TAF3: variants seen among roughly 807,000 people sequenced by gnomAD.
TAF3 encodes TATA-box binding protein associated factor 3.
A neutral mutation model predicts 80.6 loss-of-function variants in TAF3; 7 were observed. That is an observed-to-expected ratio of 0.09 (90% CI 0.05 to 0.16). The LOEUF (loss-of-function observed/expected upper bound fraction) is 0.16. Ranked by LOEUF, TAF3 falls within the 10% of genes least tolerant of loss-of-function variation. The probability of loss-of-function intolerance (pLI) is 1.00; values close to 1 mark genes in which losing one functional copy is unlikely to be tolerated. For synonymous variants in TAF3, 444 were observed against 446.1 expected, an observed-to-expected ratio of 1.00 and a Z score of 0.06; for missense variants, 921 against 1,140.2, an observed-to-expected ratio of 0.81 and a Z score of 2.77.
chr10:7,871,305 A>G (rs1281313751), intron 2 of TAF3, among the ~76,000 whole-genome samples: 11 of 152,094 alleles, frequency 7.2e-5, no homozygotes, highest in Non-Finnish European at 1.5e-4. Context: ...TGCTAAGCAT[A>G]TATTAATTGT....
intron 2 of TAF3, among the ~76,000 whole-genome samples, chr10:7,837,341 CAAA>C (rs79016748): frequency 2.2e-5 from 2 of 90,092 alleles, no homozygotes; most frequent in Non-Finnish European, 4.5e-5. Context: ...CCAGTCTGGG[CAAA>C]AAAAAAAAAA....
At chr10:7,912,336 G>A (rs979687673) in intron 2 of TAF3, among the ~76,000 whole-genome samples, 1 of 152,080 alleles carries the variant, frequency 6.6e-6, no homozygotes, top group Non-Finnish European at 1.5e-5. Flanking sequence ...CTGGGCTCAA[G>A]CGATCATTCT....
chr10:7,996,802 C>T (rs942709784), intron 4 of TAF3, among the ~76,000 whole-genome samples: 1 of 151,448 alleles, frequency 6.6e-6, no homozygotes, highest in African/African-American at 2.4e-5. Context: ...TTCTCAGTCT[C>T]CTAAGTAGCT....
intron 3 of TAF3, among the ~76,000 whole-genome samples, chr10:7,968,395 A>G (rs949010809): frequency 2.6e-5 from 4 of 152,234 alleles, no homozygotes; most frequent in African/African-American, 9.6e-5. Context: ...CCAAGAACCA[A>G]TAAAGATGTG....
chr10:7,954,808 A>G (rs1443079685), intron 2 of TAF3, among the ~76,000 whole-genome samples: 3 of 137,618 alleles, frequency 2.2e-5, no homozygotes, highest in Admixed American at 7.4e-5. Flanking sequence ...CGAATGAGTG[A>G]ATTAGTTCTA....
intron 2 of TAF3, among the ~76,000 whole-genome samples, chr10:7,843,960 C>G (rs560647990): frequency 6.6e-6 from 1 of 152,108 alleles, no homozygotes; most frequent in Non-Finnish European, 1.5e-5. Flanking sequence ...GGCACTCTTT[C>G]AATTTCTGTT....
chr10:7,950,702 T>G (rs1838073720), intron 2 of TAF3, among the ~76,000 whole-genome samples: 2 of 152,204 alleles, frequency 1.3e-5, no homozygotes, highest in Admixed American at 6.5e-5. Flanking sequence ...CAGCAAAAAT[T>G]CAGTCGCATG....
intron 2 of TAF3, among the ~76,000 whole-genome samples, chr10:7,863,696 T>TATATATACACACAC (rs1564350910): frequency 1.2e-5 from 1 of 83,536 alleles, no homozygotes; most frequent in Admixed American, 1.5e-4. Flanking sequence ...CACACACATA[T>TATATATACACACAC]ATATATATAC....
intron 2 of TAF3, among the ~76,000 whole-genome samples, chr10:7,864,239 C>T (rs1837186935): frequency 6.6e-6 from 1 of 152,276 alleles, no homozygotes; most frequent in Middle Eastern, 3.4e-3. Flanking sequence ...ACCTATTCTT[C>T]CCTCCCTTAC....
intron 2 of TAF3, among the ~76,000 whole-genome samples, chr10:7,921,097 G>GT (rs909585831): frequency 8.4e-4 from 124 of 146,930 alleles, no homozygotes; most frequent in East Asian, 2.4e-3. Flanking sequence ...ATTTTTTAAG[G>GT]TTTTTTTTTT....
intron 2 of TAF3, among the ~76,000 whole-genome samples, chr10:7,946,902 A>G (rs1266597817): frequency 6.6e-6 from 1 of 152,128 alleles, no homozygotes; most frequent in Non-Finnish European, 1.5e-5. Context: ...CCTACTCGTT[A>G]AAACTTTTCT....
Position 7,830,473 on chromosome 10 carries a change from CTTTTTTTT to C in TAF3, c.409+5934_409+5941del, listed in dbSNP as rs1176707860. ...TGCACACCTTTTTCACTTTACATGTCTTTTTTTTTTTTTTTTTTTTTTTTTTTTGAGAA... is the reference window on the plus strand; with the variant it reads ...TGCACACCTTTTTCACTTTACATGTCTTTTTTTTTTTTTTTTTTTTGAGAA... On this transcript the variant is annotated intron_variant, in intron 2 of 6. Transcript: ENST00000344293. Among the ~76,000 whole-genome samples the C allele has an allele frequency of 1.4e-4, 8 of 57,722 alleles. No homozygotes were observed. The East Asian group carries it at 2.6e-3, about 19-fold the overall frequency. 37.9% of individuals were successfully genotyped at this position (57,722 alleles called of 152,430 possible).
At chr10:7,879,512 A>T in intron 2 of TAF3, among the ~76,000 whole-genome samples, 1 of 152,398 alleles carries the variant, frequency 6.6e-6, no homozygotes, top group Admixed American at 6.5e-5. Context: ...TTGGAAAATG[A>T]CATGGCATTA....
chr10:7,979,324 A>G (rs1410033107), intron 4 of TAF3, among the ~76,000 whole-genome samples: 1 of 151,454 alleles, frequency 6.6e-6, no homozygotes, highest in African/African-American at 2.4e-5. Context: ...AGCCTGGGCA[A>G]CAGAACAAGT....
At chr10:7,875,083 A>G (rs1035829594) in intron 2 of TAF3, among the ~76,000 whole-genome samples, 1 of 152,160 alleles carries the variant, frequency 6.6e-6, no homozygotes, top group African/African-American at 2.4e-5. Context: ...ATCTTAGCTG[A>G]TAATTGAAAT....
chr10:7,977,434 G>A (rs1430177515), intron 4 of TAF3, 111 bp downstream of exon 4: 5 of 904,548 alleles, frequency 5.5e-6, no homozygotes, highest in Non-Finnish European at 8.2e-6. Flanking sequence ...AACCTGTAGG[G>A]TCAAGCTTTA....
intron 2 of TAF3, among the ~76,000 whole-genome samples, chr10:7,960,097 A>G (rs1280998790): frequency 6.6e-6 from 1 of 152,208 alleles, no homozygotes; most frequent in East Asian, 1.9e-4. Context: ...CCTAAGCCAA[A>G]CCTTTATCAT....
intron 2 of TAF3, among the ~76,000 whole-genome samples, chr10:7,942,426 G>A (rs1410512026): frequency 2.0e-5 from 3 of 151,948 alleles, no homozygotes; most frequent in Non-Finnish European, 4.4e-5. Context: ...ATTTTTTTCA[G>A]CCAGAACATT....
At chr10:7,972,167 T>TGTCTAAGTGATA (rs1831628812) in intron 3 of TAF3, among the ~76,000 whole-genome samples, 1 of 152,234 alleles carries the variant, frequency 6.6e-6, no homozygotes, top group Non-Finnish European at 1.5e-5. Context: ...GTGATTGAAG[T>TGTCTAAGTGATA]CATCCTTTTG....
Sources: allele counts gnomAD v4.1 joint callset (sites outside exome capture counted in the v4.1 genomes callset), GRCh38; gene constraint gnomAD v4.1.1; transcripts MANE v1.5; gene names NCBI Gene and HGNC (gene_info 2026-07-23, HGNC 2026-07-21).